The following KIAA1671 variants were observed in gnomAD, a reference collection of about 807,000 sequenced individuals.
The protein encoded by KIAA1671 is uncharacterized protein KIAA1671.
In KIAA1671, 52 loss-of-function variants were observed where a neutral mutation model predicts 131.2. The ratio of observed to expected loss-of-function variants is 0.40; its 90% confidence interval spans 0.32 to 0.50. The LOEUF (loss-of-function observed/expected upper bound fraction) is 0.50, where lower values mean the gene tolerates loss of function less well. KIAA1671 is among the 20% of genes least tolerant of loss of function. KIAA1671 has a pLI of 0.73. For missense variants in KIAA1671, 2,360 were observed against 2,364.2 expected, an observed-to-expected ratio of 1.00 and a Z score of 0.04; for synonymous variants, 1,003 against 961.6, an observed-to-expected ratio of 1.04 and a Z score of -0.80.
intron 7 of KIAA1671, among the ~76,000 whole-genome samples, chr22:25,171,156 T>C (rs942196163): frequency 6.6e-6 from 1 of 152,078 alleles, no homozygotes; most frequent in African/African-American, 2.4e-5. Flanking sequence ...TCCCAGCACT[T>C]TGGGAGGCTG....
At chr22:25,084,374 C>T (rs1191974785) in intron 6 of KIAA1671, among the ~76,000 whole-genome samples, 1 of 148,902 alleles carries the variant, frequency 6.7e-6, no homozygotes, top group East Asian at 2.0e-4. Context: ...ACTCAGGAGG[C>T]TGAGGCAGGA....
At chr22:24,992,889 C>T (rs1480022664) in intron 1 of KIAA1671, among the ~76,000 whole-genome samples, 1 of 147,880 alleles carries the variant, frequency 6.8e-6, no homozygotes, top group Non-Finnish European at 1.5e-5. Context: ...CTCTCAGCTA[C>T]TATTCAAAGC....
intron 1 of KIAA1671, among the ~76,000 whole-genome samples, chr22:25,015,567 G>A (rs915639021): frequency 6.6e-6 from 1 of 152,170 alleles, no homozygotes; most frequent in African/African-American, 2.4e-5. Context: ...TGGACAAGCG[G>A]CCTGGGGTGA....
At chr22:25,145,676 C>T (rs1008798148) in intron 6 of KIAA1671, among the ~76,000 whole-genome samples, 2 of 152,188 alleles carry the variant, frequency 1.3e-5, no homozygotes, top group Admixed American at 6.5e-5. Flanking sequence ...CAATGGCTCA[C>T]GCCTGTAATC....
At chr22:25,173,640 T>C (rs1027254506) in intron 7 of KIAA1671, among the ~76,000 whole-genome samples, 1 of 152,194 alleles carries the variant, frequency 6.6e-6, no homozygotes, top group African/African-American at 2.4e-5. Flanking sequence ...AGAATTATAA[T>C]GTAAGCTGCA....
chr22:25,102,698 C>T (rs1227866611), intron 6 of KIAA1671: 1 of 152,364 alleles, frequency 6.6e-6, no homozygotes, highest in Non-Finnish European at 1.5e-5. Flanking sequence ...CTGCCTCAGC[C>T]TCCCAAAGTG....
chr22:24,994,386 C>T (rs1923999766), intron 1 of KIAA1671, among the ~76,000 whole-genome samples: 1 of 152,150 alleles, frequency 6.6e-6, no homozygotes, highest in Non-Finnish European at 1.5e-5. Context: ...TGGGGAACAG[C>T]TGGGGCTCAG....
chr22:25,067,145 T>A (rs890734816), intron 6 of KIAA1671, among the ~76,000 whole-genome samples: 2 of 152,114 alleles, frequency 1.3e-5, no homozygotes, highest in African/African-American at 4.8e-5. Context: ...TCTGACCACC[T>A]CTGGTTGGGA....
intron 6 of KIAA1671, among the ~76,000 whole-genome samples, chr22:25,082,133 G>A (rs1039873944): frequency 6.6e-6 from 1 of 152,186 alleles, no homozygotes; most frequent in Non-Finnish European, 1.5e-5. Flanking sequence ...CAAGCTGAGT[G>A]GACATGTGGT....
intron 6 of KIAA1671, among the ~76,000 whole-genome samples, chr22:25,136,295 C>T (rs1932671816): frequency 6.6e-6 from 1 of 152,210 alleles, no homozygotes; most frequent in Non-Finnish European, 1.5e-5. Flanking sequence ...ATGATCCTTG[C>T]TTTTCAGATG....
intron 6 of KIAA1671, among the ~76,000 whole-genome samples, chr22:25,153,397 A>G (rs1933114632): frequency 6.6e-6 from 1 of 152,206 alleles, no homozygotes. Context: ...GCTGGAGTCC[A>G]GGGATCCCAC....
At chr22:24,990,990 CCTT>C (rs1923811666) in intron 1 of KIAA1671, among the ~76,000 whole-genome samples, 1 of 152,144 alleles carries the variant, frequency 6.6e-6, no homozygotes, top group East Asian at 1.9e-4. Flanking sequence ...GTCACCCAGG[CCTT>C]CTCTGAGGAA....
chr22:24,973,063 TG>T (rs1922711959), intron 1 of KIAA1671, among the ~76,000 whole-genome samples: 3 of 152,108 alleles, frequency 2.0e-5, no homozygotes, highest in Admixed American at 2.0e-4. Context: ...AGGAGCAAGC[TG>T]GGCATTGTGC....
intron 6 of KIAA1671, among the ~76,000 whole-genome samples, chr22:25,093,887 C>A (rs1181079607): frequency 7.1e-5 from 2 of 28,306 alleles, no homozygotes; most frequent in Non-Finnish European, 1.5e-4. Flanking sequence ...TCTCTCTCTC[C>A]CTTCTGCTTC....
intron 6 of KIAA1671, among the ~76,000 whole-genome samples, chr22:25,133,868 C>T (rs887163010): frequency 3.9e-5 from 6 of 152,092 alleles, no homozygotes; most frequent in African/African-American, 1.2e-4. Context: ...TTTTATTGGG[C>T]GGAGAGGAAG....
At chr22:24,978,176 G>A (rs1923010560) in intron 1 of KIAA1671, among the ~76,000 whole-genome samples, 1 of 152,172 alleles carries the variant, frequency 6.6e-6, no homozygotes, top group African/African-American at 2.4e-5. Context: ...TAATTCCCAT[G>A]TGTTGTGAGA....
At chr22:25,053,199 T>A (rs909682) in intron 6 of KIAA1671, 36,949 of 152,154 alleles carry the variant, frequency 0.24, 6,605 homozygotes, top group African/African-American at 0.51. Context: ...GCTGGAGTTC[T>A]TCTTTGTGAC....
chr22:25,040,763 G>T lies in KIAA1671; in HGVS notation c.3633G>T (p.Leu1211=). 6.4e-7 allele frequency: 1 copy of T among 1,551,824 alleles called. No individual in the cohort carries two copies. The highest frequency in any genetic ancestry group is 8.7e-7 in the Non-Finnish European group (1 of 1,147,040). ...IDALMAEYQE[L]SLKVPGEAQE... ...CCCTGATGGCAGAGTACCAGGAGCTGTCGCTGAAAGTCCCTGGGGAGGCTC... is the reference window on the plus strand; with the variant it reads ...CCCTGATGGCAGAGTACCAGGAGCTTTCGCTGAAAGTCCCTGGGGAGGCTC... Residue 1211 remains leucine, a synonymous_variant, in exon 5 of 13, where the codon CTG becomes CTT. Coordinates refer to ENST00000358431, the MANE Select transcript of KIAA1671 (RefSeq NM_001145206.2).
At chr22:24,988,753 A>AC (rs1020063758) in intron 1 of KIAA1671, among the ~76,000 whole-genome samples, 1 of 151,722 alleles carries the variant, frequency 6.6e-6, no homozygotes, top group Non-Finnish European at 1.5e-5. Context: ...AAAAAAAAAA[A>AC]AATGGGTTTG....
Sources: allele counts gnomAD v4.1 joint callset (sites outside exome capture counted in the v4.1 genomes callset), GRCh38; gene constraint gnomAD v4.1.1; transcripts MANE v1.5; gene names NCBI Gene and HGNC (gene_info 2026-07-23, HGNC 2026-07-21).